PIK3R1: variants seen among roughly 807,000 people sequenced by gnomAD.
PIK3R1 encodes phosphoinositide-3-kinase regulatory subunit 1, also known as phosphatidylinositol 3-kinase regulatory subunit alpha.
A neutral mutation model predicts 98.0 loss-of-function variants in PIK3R1; 29 were observed. The observed-to-expected ratio is 0.30, with a 90% CI of 0.22 to 0.40. The LOEUF is 0.40. PIK3R1 is among the 10% of genes least tolerant of loss of function. The pLI, the probability that PIK3R1 is intolerant of heterozygous loss-of-function variation, is 1.00. For synonymous variants in PIK3R1, 282 were observed against 311.8 expected (o/e 0.90, Z 1.01); for missense variants, 596 against 872.7 (o/e 0.68, Z 3.99).
intron 2 of PIK3R1, among the ~76,000 whole-genome samples, chr5:68,271,127 C>G (rs1392798547): frequency 6.6e-6 from 1 of 152,150 alleles, no homozygotes; most frequent in East Asian, 1.9e-4. Flanking sequence ...CTAGCCCATT[C>G]CTGGATGTTC....
chr5:68,286,794 A>G, intron 7 of PIK3R1, among the ~76,000 whole-genome samples: 1 of 152,240 alleles, frequency 6.6e-6, no homozygotes, highest in East Asian at 1.9e-4. Context: ...AGGTTTTGAC[A>G]TGAAACATCA....
intron 7 of PIK3R1, chr5:68,288,404 C>T (rs757764080): frequency 4.5e-5 from 54 of 1,193,542 alleles, no homozygotes; most frequent in Non-Finnish European, 5.4e-5. Flanking sequence ...CGCCTGGGCT[C>T]CTTTCCTCCC....
rs41268435 is a variant in PIK3R1 at position 68,297,604 on chromosome 5, C to A, written c.*3C>A. ...TATATGCACAGCAGAGGCGATGAAG[C>A]GCTTACTCTTTGATCCTTCTCCTGA... On this transcript the variant is annotated 3_prime_UTR_variant, in exon 16 of 16. Transcript: ENST00000521381. The A allele has an allele frequency of 6.2e-7, 1 of 1,612,508 alleles. No homozygotes were observed. Among genetic ancestry groups the A allele is most frequent in the Non-Finnish European group, 8.5e-7 (1 of 1,179,134 alleles).
chr5:68,292,299 C>A lies in PIK3R1; in HGVS notation c.957C>A (p.Asn319Lys). 1 of 1,613,712 alleles carries A rather than the reference C, an allele frequency of 6.2e-7. No individual in the cohort carries two copies. The highest frequency in any genetic ancestry group is 1.3e-5 in the African/African-American group (1 of 75,024). Residue 319 changes from asparagine to lysine, a missense_variant, in exon 8 of 16, where the codon AAC becomes AAA. This residue lies in a region of PIK3R1 where 352 missense variants were observed against 393.3 expected (regional missense o/e 0.90). Coordinates refer to ENST00000521381, the MANE Select transcript of PIK3R1 (RefSeq NM_181523.3). The part of the protein sequence containing the change: ...PKPPKPTTVA[N>K]NGMNNNMSLQ... The stretch of plus-strand genomic sequence containing the variant: ...CACCAAAACCTACTACTGTAGCCAA[C>A]AACGGTATGAATAACAATATGTCCT...
chr5:68,240,869 G>C (rs2112021747), intron 2 of PIK3R1, among the ~76,000 whole-genome samples: 1 of 152,172 alleles, frequency 6.6e-6, no homozygotes, highest in East Asian at 1.9e-4. Flanking sequence ...GTTTCACAGT[G>C]ATCTTTTTCC....
At chr5:68,239,745 C>T (rs911235664) in intron 2 of PIK3R1, among the ~76,000 whole-genome samples, 13 of 152,268 alleles carry the variant, frequency 8.5e-5, no homozygotes, top group African/African-American at 2.4e-4. Flanking sequence ...CAAGGCACCC[C>T]GGAGCCAAAG....
intron 7 of PIK3R1, chr5:68,290,617 TA>T (rs1747333237): frequency 2.1e-6 from 3 of 1,403,096 alleles, no homozygotes; most frequent in Admixed American, 3.1e-5. Flanking sequence ...TGTGATGTAA[TA>T]GGTTTCAGTG....
intron 14 of PIK3R1, 167 bp from the exon 15 acceptor site, chr5:68,296,004 C>T (rs913897683): frequency 1.3e-5 from 8 of 605,674 alleles, no homozygotes; most frequent in Admixed American, 3.0e-5. Flanking sequence ...GGCTGAATAC[C>T]AGGAGAGGAA....
chr5:68,227,892 T>C (rs1744340833), intron 2 of PIK3R1, among the ~76,000 whole-genome samples: 1 of 152,240 alleles, frequency 6.6e-6, no homozygotes, highest in South Asian at 2.1e-4. Flanking sequence ...ACTTATTGCT[T>C]ATTGGAGATG....
rs1309956489 is a variant in PIK3R1, at chr5:68,298,838, C to T, written c.*1237C>T. 1.5e-5 allele frequency: 3 copies of T among 202,480 alleles called. No individual in the cohort carries two copies. The highest frequency in any genetic ancestry group is 6.4e-5 in the Admixed American group (1 of 15,654). 12.5% of individuals were successfully genotyped at this position (202,480 alleles called of 1,614,324 possible). ...ATACGGTACCTGGCAATGTTTATTT[C>T]ATAAAGAATTGTGAACTTCTTGAAT... On this transcript the variant is annotated 3_prime_UTR_variant, in exon 16 of 16. Coordinates refer to ENST00000521381, the MANE Select transcript of PIK3R1 (RefSeq NM_181523.3).
chr5:68,292,359 G>C lies in PIK3R1; in HGVS notation c.1017G>C (p.Ser339=), dbSNP rs781406681. The change falls in exon 8 of 16, where the codon TCG becomes TCC. Residue 339 remains serine, a splice_region_variant and synonymous_variant. Transcript: ENST00000521381. ...QDAEWYWGDI[S]REEVNEKLRD... Reference sequence around the variant, plus strand: ...CTGAATGGTACTGGGGAGATATCTCGAGGTAAGGCTACAGAAACTTCATTT... The same window carrying C: ...CTGAATGGTACTGGGGAGATATCTCCAGGTAAGGCTACAGAAACTTCATTT... The C allele has an allele frequency of 1.9e-6, 3 of 1,599,672 alleles. No individual in the cohort carries two copies. Among genetic ancestry groups the C allele is most frequent in the Admixed American group, 1.7e-5 (1 of 59,840 alleles).
At chr5:68,284,862 TCTC>T (rs66679481) in intron 7 of PIK3R1, among the ~76,000 whole-genome samples, 33,096 of 152,062 alleles carry the variant, frequency 0.22, 3,743 homozygotes, top group South Asian at 0.26. Context: ...AAATAAGGAT[TCTC>T]CTCATTTACA....
Position 68,280,698 on chromosome 5 carries a change from A to C in PIK3R1, c.805A>C (p.Ser269Arg), listed in dbSNP as rs767982209. The change falls in exon 6 of 16, where the codon AGC becomes CGC. Residue 269 changes from serine to arginine, a missense_variant. This residue lies in a region of PIK3R1 where 352 missense variants were observed against 393.3 expected (regional missense o/e 0.90). Transcript: ENST00000521381. ...TGCAAGAGTACTCTCTGAAATTTTC[A>C]GCCCTATGCTTTTCAGATTCTCAGC... ...LNARVLSEIFSPMLFRFSAAS... is the reference protein window; with the variant it reads ...LNARVLSEIFRPMLFRFSAAS... 6.2e-7 allele frequency: 1 copy of C among 1,614,144 alleles called. No individual in the cohort carries two copies. The highest frequency in any genetic ancestry group is 8.5e-7 in the Non-Finnish European group (1 of 1,179,980).
chr5:68,292,323 C>T lies in PIK3R1; in HGVS notation c.981C>T (p.Ser327=). 1.2e-6 allele frequency: 2 copies of T among 1,613,034 alleles called. No individual in the cohort carries two copies. The highest frequency in any genetic ancestry group is 1.7e-6 in the Non-Finnish European group (2 of 1,179,076). ...VANNGMNNNM[S]LQDAEWYWGD... ...ACAACGGTATGAATAACAATATGTCCTTACAAGATGCTGAATGGTACTGGG... is the reference window on the plus strand; with the variant it reads ...ACAACGGTATGAATAACAATATGTCTTTACAAGATGCTGAATGGTACTGGG... The change falls in exon 8 of 16, where the codon TCC becomes TCT. Residue 327 remains serine (S), a synonymous_variant. Coordinates refer to ENST00000521381, the MANE Select transcript of PIK3R1 (RefSeq NM_181523.3).
rs138814985 is a variant in PIK3R1 at position 68,288,512 on chromosome 5, A to ACGAGCCGAGCCGAGC, written c.917-3745_917-3731dup. 26 of 1,324,400 alleles carry ACGAGCCGAGCCGAGC rather than the reference A, an allele frequency of 2.0e-5. No homozygotes were observed. In the African/African-American group the frequency reaches 2.7e-4, roughly 14 times the overall value. The allele number at this position is 1,324,400 out of a possible 1,614,324, so 82.0% of individuals were successfully genotyped here. A position where few individuals can be genotyped will look rare whatever the true frequency, so the allele number is the denominator to read the frequency against. ...GCCGGGCGGGGCGTGGGGCGGAGGGACGAGCCGAGCCGAGCCAAGCGGAGC... is the reference window on the plus strand; with the variant it reads ...GCCGGGCGGGGCGTGGGGCGGAGGGACGAGCCGAGCCGAGCCGAGCCGAGCCGAGCCAAGCGGAGC... On this transcript the variant is annotated intron_variant, in intron 7 of 15. Transcript: ENST00000521381.
chr5:68,294,443 C>A, intron 11 of PIK3R1, 93 bp from the exon 12 acceptor site: 1 of 863,614 alleles, frequency 1.2e-6, no homozygotes, highest in Non-Finnish European at 1.7e-6. Context: ...TCCCACTCTG[C>A]TAATAATACA....
At chr5:68,240,657 G>C (rs1476791739) in intron 2 of PIK3R1, among the ~76,000 whole-genome samples, 2 of 152,206 alleles carry the variant, frequency 1.3e-5, no homozygotes, top group Admixed American at 6.5e-5. Context: ...AATTGTCACT[G>C]TAACTGTTTT....
rs377705569 is a variant in PIK3R1 at position 68,254,539 on chromosome 5, T to G, written c.335-18851T>G. Reference sequence around the variant, plus strand: ...ACCCCAAGGGTATCTTTACAAAGACTTTATTTTAGTGAAGCCTTCAATAAA... The same window carrying G: ...ACCCCAAGGGTATCTTTACAAAGACGTTATTTTAGTGAAGCCTTCAATAAA... On this transcript the variant is annotated intron_variant, in intron 2 of 15. Transcript: ENST00000521381. 3.3e-5 allele frequency among the ~76,000 whole-genome samples: 5 copies of G among 152,348 alleles called. No homozygotes were observed. The East Asian group carries it at 9.6e-4, about 29-fold the overall frequency.
intron 2 of PIK3R1, among the ~76,000 whole-genome samples, chr5:68,240,167 T>C (rs1047195700): frequency 6.6e-6 from 1 of 151,644 alleles, no homozygotes; most frequent in Non-Finnish European, 1.5e-5. Context: ...ATATGATATG[T>C]AGTAAATGTT....
Sources: allele counts gnomAD v4.1 joint callset (sites outside exome capture counted in the v4.1 genomes callset), GRCh38; gene constraint gnomAD v4.1.1; regional missense constraint gnomAD v4.1.1; transcripts MANE v1.5; gene names NCBI Gene and HGNC (gene_info 2026-07-23, HGNC 2026-07-21).